The following GAK variants were observed in gnomAD, a reference collection of about 807,000 sequenced individuals.
GAK encodes the protein cyclin-G-associated kinase.
A neutral mutation model predicts 143.9 loss-of-function variants in GAK; 79 were observed. That is an observed-to-expected ratio of 0.55 (90% CI 0.46 to 0.66). The LOEUF is 0.66. Ranked by LOEUF, GAK falls within the 30% of genes least tolerant of loss-of-function variation. GAK has a pLI of 0.00. For missense variants in GAK, 1,693 were observed against 1,779.7 expected, an observed-to-expected ratio of 0.95 and a Z score of 0.88; for synonymous variants, 881 against 765.5, an observed-to-expected ratio of 1.15 and a Z score of -2.49.
At chr4:914,241 GCCCCC>G (rs1188064751) in intron 1 of GAK, among the ~76,000 whole-genome samples, 3 of 24,426 alleles carry the variant, frequency 1.2e-4, no homozygotes, top group African/African-American at 1.9e-4. Context: ...AGCGTGCACG[GCCCCC>G]CCCCACACAC....
At chr4:860,533 A>C (rs1750083805) in intron 23 of GAK, among the ~76,000 whole-genome samples, 1 of 152,184 alleles carries the variant, frequency 6.6e-6, no homozygotes. Flanking sequence ...AAACCACTCA[A>C]ACTAAGAGTC....
At chr4:920,870 G>T (rs1001095699) in intron 1 of GAK, among the ~76,000 whole-genome samples, 24 of 152,218 alleles carry the variant, frequency 1.6e-4, no homozygotes, top group African/African-American at 5.8e-4. Context: ...AAAGGTTAAC[G>T]TTTATTCTGG....
intron 18 of GAK, among the ~76,000 whole-genome samples, chr4:872,025 T>C (rs1211780372): frequency 6.6e-6 from 1 of 152,104 alleles, no homozygotes; most frequent in Non-Finnish European, 1.5e-5. Context: ...AGGCTGCCAG[T>C]GTCTGCAGGG....
Position 866,503 on chromosome 4 carries a change from T to C in GAK, c.2904A>G (p.Ser968=), listed in dbSNP as rs780221250. 31 of 1,613,778 alleles carry C rather than the reference T, an allele frequency of 1.9e-5. No homozygotes were observed. The highest frequency in any genetic ancestry group is 2.7e-5 in the African/African-American group (2 of 74,910). The part of the protein sequence containing the change: ...ADPFGPLLPS[S]GNNSQPCSNP... ...TGGAGCAGGGCTGGGAGTTGTTGCC[T>C]GAAGACGGCAGAAGCGGGCCAAAGG... The change falls in exon 22 of 28, where the codon TCA becomes TCG. Residue 968 remains serine, a synonymous_variant. Coordinates refer to ENST00000314167, the MANE Select transcript of GAK (RefSeq NM_005255.4).
At position 877,096 on chromosome 4, in the gene GAK, C is replaced by A. The variant is rs1449004134; in HGVS notation, c.1968G>T (p.Gln656His). 2.5e-6 allele frequency: 4 copies of A among 1,611,476 alleles called. No homozygotes were observed. Among genetic ancestry groups the A allele is most frequent in the Non-Finnish European group, 1.7e-6 (2 of 1,177,880 alleles). Residue 656 changes from glutamine to histidine, a missense_variant, in exon 17 of 28, where the codon CAG (glutamine) becomes CAT (histidine). By Grantham distance (24) the Gln-to-His change is conservative (BLOSUM62 0). Transcript: ENST00000314167. ...HARSTLGGRL[Q>H]AKMASMKMFQ... ...AAGCCACAGGCTCTCTCACCTTGGC[C>A]TGCAGCCGGCCGCCCAGAGTGGACC...
At chr4:854,097 C>T (rs947858746) in intron 24 of GAK, among the ~76,000 whole-genome samples, 6 of 151,578 alleles carry the variant, frequency 4.0e-5, no homozygotes, top group African/African-American at 1.2e-4. Flanking sequence ...CATGCCCGGC[C>T]GTCTCTCGCC....
chr4:905,205 C>A (rs913967401), intron 4 of GAK, among the ~76,000 whole-genome samples: 2 of 152,188 alleles, frequency 1.3e-5, no homozygotes, highest in African/African-American at 4.8e-5. Context: ...CCTTGAGCCG[C>A]TGCTTGGGCC....
Position 882,807 on chromosome 4 carries a change from C to G in GAK, c.1417G>C (p.Gly473Arg). 6.2e-7 allele frequency: 1 copy of G among 1,610,146 alleles called. No individual in the cohort carries two copies. Among genetic ancestry groups the G allele is most frequent in the Non-Finnish European group, 8.5e-7 (1 of 1,179,864 alleles). ...TGTGGGGCCCGCCGTGCTGCCCAGC[C>G]ACACTCGGAGACCTGTGGGGACAGG... ...SRFHNRVSEC[G>R]WAARRAPHLH... The change falls in exon 14 of 28, where the codon GGC becomes CGC. Residue 473 changes from glycine (G) to arginine (R), a missense_variant. Physicochemically the swap from Gly to Arg is moderately radical, Grantham distance 125. Around this residue, in one of 2 missense-constraint regions of GAK, gnomAD observed 871 missense variants for 991.0 expected, o/e 0.88. Transcript: ENST00000314167.
intron 5 of GAK, among the ~76,000 whole-genome samples, chr4:903,391 C>T (rs1049457889): frequency 6.6e-6 from 1 of 152,176 alleles, no homozygotes; most frequent in Non-Finnish European, 1.5e-5. Flanking sequence ...AAGAGCTCCC[C>T]TCAAGCTGAG....
At chr4:879,450 T>G (rs1265878071) in intron 15 of GAK, among the ~76,000 whole-genome samples, 1 of 152,184 alleles carries the variant, frequency 6.6e-6, no homozygotes, top group East Asian at 1.9e-4. Context: ...GGTTTATGTT[T>G]TCCTTTTACT....
intron 1 of GAK, among the ~76,000 whole-genome samples, chr4:924,906 A>G (rs1577331486): frequency 7.0e-6 from 1 of 142,082 alleles, no homozygotes; most frequent in African/African-American, 2.7e-5. Flanking sequence ...GAGTTCCCCC[A>G]GGGGCTGCTC....
At chr4:893,244 C>T (rs1017925779) in intron 9 of GAK, 133 bp downstream of exon 9, 6 of 584,286 alleles carry the variant, frequency 1.0e-5, no homozygotes, top group African/African-American at 5.9e-5. Context: ...TTAGGGTTCA[C>T]GTGTGCCTCC....
chr4:878,796 C>A (rs1486570359), intron 15 of GAK, among the ~76,000 whole-genome samples: 1 of 152,172 alleles, frequency 6.6e-6, no homozygotes, highest in South Asian at 2.1e-4. Flanking sequence ...GGAGCATAAA[C>A]CCCCCAGAGT....
At chr4:869,289 T>A (rs1489895938) in intron 19 of GAK, 1 of 132,684 alleles carries the variant, frequency 7.5e-6, no homozygotes, top group Non-Finnish European at 1.5e-5. Flanking sequence ...CACACACAGA[T>A]GCACAGTACA....
At chr4:902,595 T>C (rs1577240375) in intron 5 of GAK, among the ~76,000 whole-genome samples, 6 of 6,144 alleles carry the variant, frequency 9.8e-4, no homozygotes, top group Admixed American at 9.2e-4. Flanking sequence ...AGTGACTGAC[T>C]CAAAAAAAAA....
At chr4:892,703 C>T (rs1031397375) in intron 9 of GAK, among the ~76,000 whole-genome samples, 23 of 152,264 alleles carry the variant, frequency 1.5e-4, no homozygotes, top group African/African-American at 4.8e-4. Flanking sequence ...GAAACACAGA[C>T]GCAGAGCAAC....
intron 1 of GAK, among the ~76,000 whole-genome samples, chr4:921,160 T>C (rs998211975): frequency 2.0e-5 from 3 of 152,022 alleles, no homozygotes; most frequent in Non-Finnish European, 4.4e-5. Flanking sequence ...TGGAGTGCAG[T>C]GGCACAATCT....
At chr4:874,640 A>T (rs938635347) in intron 18 of GAK, among the ~76,000 whole-genome samples, 1 of 151,708 alleles carries the variant, frequency 6.6e-6, no homozygotes, top group Non-Finnish European at 1.5e-5. Context: ...GGATGCTCTG[A>T]GGTACTGAAC....
chr4:877,847 C>T, intron 15 of GAK, 38 bp from the exon 16 acceptor site: 1 of 1,515,802 alleles, frequency 6.6e-7, no homozygotes, highest in African/African-American at 1.4e-5. Flanking sequence ...GTGACGTGCC[C>T]TGAGAGGGGA....
Sources: gnomAD v4.1 joint callset for allele counts (sites outside exome capture counted in the v4.1 genomes callset) on GRCh38, gnomAD v4.1.1 for gene constraint, gnomAD v4.1.1 regional missense constraint, MANE v1.5 for transcripts, NCBI Gene and HGNC (gene_info 2026-07-23, HGNC 2026-07-21) for gene names.